The following DMC1 variants were observed in gnomAD, a reference collection of about 807,000 sequenced individuals.
DMC1 encodes DNA meiotic recombinase 1.
DMC1 carries 27 observed loss-of-function variants against 50.1 expected under a neutral mutation model. That is an observed-to-expected ratio of 0.54 (90% confidence interval 0.40 to 0.74). The LOEUF (loss-of-function observed/expected upper bound fraction) is 0.74, where lower values mean the gene tolerates loss of function less well. Among genes scored for constraint, DMC1 ranks in the 30% least tolerant of loss-of-function variants. DMC1 has a pLI of 0.00. For synonymous variants in DMC1, 148 were observed against 136.1 expected (o/e 1.09, Z -0.61); for missense variants, 295 against 420.2 (o/e 0.70, Z 2.60).
At chr22:38,553,640 A>G (rs970185064) in intron 6 of DMC1, among the ~76,000 whole-genome samples, 2 of 151,878 alleles carry the variant, frequency 1.3e-5, no homozygotes, top group East Asian at 1.9e-4. Flanking sequence ...CCTGGCAAAC[A>G]TGGTGAAACC....
At chr22:38,528,124 T>C (rs184533755) in intron 12 of DMC1, among the ~76,000 whole-genome samples, 111 of 150,540 alleles carry the variant, frequency 7.4e-4, no homozygotes, top group African/African-American at 2.6e-3. Flanking sequence ...TGCGGTGGCA[T>C]GATCTCGGCT....
chr22:38,540,505 T>C (rs1001548897), intron 8 of DMC1, among the ~76,000 whole-genome samples: 3 of 152,230 alleles, frequency 2.0e-5, no homozygotes, highest in African/African-American at 7.2e-5. Context: ...ACAATATGTC[T>C]GAAGTAAAAT....
the DMC1 span, among the ~76,000 whole-genome samples, chr22:38,512,629 G>A: frequency 6.6e-6 from 1 of 152,144 alleles, no homozygotes; most frequent in Non-Finnish European, 1.5e-5. Flanking sequence ...TGAATAATGA[G>A]AGCTGTCCCA....
chr22:38,535,450 GAAA>G (rs992352879), intron 12 of DMC1, among the ~76,000 whole-genome samples: 1 of 151,764 alleles, frequency 6.6e-6, no homozygotes, highest in Non-Finnish European at 1.5e-5. Flanking sequence ...ACAGGAGAGA[GAAA>G]AAATGTGGCA....
chr22:38,535,410 CCA>C (rs141719568), intron 12 of DMC1, among the ~76,000 whole-genome samples: 294 of 147,762 alleles, frequency 2.0e-3, no homozygotes, highest in East Asian at 4.4e-3. Flanking sequence ...ATGTACACCT[CCA>C]CACACACACA....
chr22:38,518,407 C>T (rs1449238640), downstream of DMC1, among the ~76,000 whole-genome samples: 1 of 152,158 alleles, frequency 6.6e-6, no homozygotes. Flanking sequence ...TGTGTAGGAA[C>T]CACATTTTCC....
chr22:38,551,856 C>CTTTTTTTTTTTTTTTT (rs71761663), intron 7 of DMC1, among the ~76,000 whole-genome samples: 1 of 93,184 alleles, frequency 1.1e-5, no homozygotes. Flanking sequence ...GAACTCCTTT[C>CTTTTTTTTTTTTTTTT]TTTTTTTTTT....
chr22:38,557,953 G>GTT (rs1555940699), intron 5 of DMC1, among the ~76,000 whole-genome samples: 7 of 94,960 alleles, frequency 7.4e-5, no homozygotes, highest in East Asian at 6.7e-4. Flanking sequence ...ATTAGACAAA[G>GTT]TTCTTTTTTT....
intron 6 of DMC1, among the ~76,000 whole-genome samples, chr22:38,553,070 A>T (rs1360796565): frequency 6.9e-5 from 10 of 144,010 alleles, no homozygotes; most frequent in Non-Finnish European, 1.5e-4. Flanking sequence ...CTGGTCTCAA[A>T]CTCCTGAACT....
chr22:38,530,255 T>C (rs1005628767), intron 12 of DMC1, among the ~76,000 whole-genome samples: 4 of 151,590 alleles, frequency 2.6e-5, no homozygotes, highest in African/African-American at 9.7e-5. Flanking sequence ...TTGTGAGCCA[T>C]GCCTGGCAGG....
At chr22:38,568,924 G>A (rs559849516) in intron 1 of DMC1, among the ~76,000 whole-genome samples, 166 of 152,102 alleles carry the variant, frequency 1.1e-3, no homozygotes, top group Middle Eastern at 3.4e-3. Flanking sequence ...CGGGTGTGGA[G>A]GCTCATGCCT....
chr22:38,566,366 T>TA (rs2090581097), intron 4 of DMC1, among the ~76,000 whole-genome samples: 1 of 152,068 alleles, frequency 6.6e-6, no homozygotes, highest in Non-Finnish European at 1.5e-5. Context: ...CAAAAATAAT[T>TA]ACCTTCATTA....
chr22:38,548,788 G>C (rs1366960451), intron 8 of DMC1, among the ~76,000 whole-genome samples: 1 of 151,826 alleles, frequency 6.6e-6, no homozygotes, highest in African/African-American at 2.4e-5. Context: ...GTTGCAGTGA[G>C]TTGAGACTGC....
chr22:38,555,243 ATACT>A (rs1343725061), intron 6 of DMC1, 110 bp downstream of exon 6: 1 of 733,216 alleles, frequency 1.4e-6, no homozygotes, highest in Non-Finnish European at 2.3e-6. Flanking sequence ...AAGTTCCAAA[ATACT>A]TACAATTTAT....
At chr22:38,547,931 G>A (rs1389210894) in intron 8 of DMC1, among the ~76,000 whole-genome samples, 2 of 152,020 alleles carry the variant, frequency 1.3e-5, no homozygotes, top group Non-Finnish European at 2.9e-5. Context: ...GCAAATGTTC[G>A]CTTGAACTCC....
chr22:38,523,956 G>GTC lies in DMC1; in HGVS notation c.837-2234_837-2233dup, dbSNP rs1310879974. 3.9e-5 allele frequency among the ~76,000 whole-genome samples: 6 copies of GTC among 152,274 alleles called. No individual in the cohort carries two copies. The East Asian group carries it at 7.7e-4, about 20-fold the overall frequency. On this transcript the variant is annotated intron_variant, in intron 12 of 13. Transcript: ENST00000216024. ...AGGTTAGCTAAATGGGCAGAGAGAA[G>GTC]TCTGAACACAATGCTACTGCTTCTC...
At chr22:38,531,379 T>A (rs1298517763) in intron 12 of DMC1, among the ~76,000 whole-genome samples, 1 of 152,082 alleles carries the variant, frequency 6.6e-6, no homozygotes, top group Non-Finnish European at 1.5e-5. Context: ...CGTTCCTTTT[T>A]AATAAGATGT....
chr22:38,543,330 C>T (rs947308447), intron 8 of DMC1, among the ~76,000 whole-genome samples: 40 of 151,656 alleles, frequency 2.6e-4, no homozygotes, highest in African/African-American at 6.5e-4. Flanking sequence ...CCCAGGTTCA[C>T]GCCATTCTCC....
intron 12 of DMC1, among the ~76,000 whole-genome samples, chr22:38,537,239 A>T (rs2090223912): frequency 1.3e-5 from 2 of 151,664 alleles, no homozygotes; most frequent in Non-Finnish European, 2.9e-5. Context: ...TTTGAGATAG[A>T]ATCTTGCTCT....
Sources: allele counts gnomAD v4.1 joint callset (sites outside exome capture counted in the v4.1 genomes callset), GRCh38; gene constraint gnomAD v4.1.1; transcripts MANE v1.5; gene names NCBI Gene and HGNC (gene_info 2026-07-23, HGNC 2026-07-21).